Variants in CAV2 observed in about 807,000 individuals in gnomAD.
CAV2 encodes the protein caveolin-2.
In CAV2, 7 loss-of-function variants were observed where a neutral mutation model predicts 15.5. The observed-to-expected ratio is 0.45, with a 90% CI of 0.26 to 0.85. The LOEUF is 0.85. Ranked by LOEUF, CAV2 falls within the 40% of genes least tolerant of loss-of-function variation. The probability of loss-of-function intolerance (pLI) is 0.18; values close to 1 mark genes in which losing one functional copy is unlikely to be tolerated. For missense variants in CAV2, 229 were observed against 208.8 expected (o/e 1.10, Z -0.60); for synonymous variants, 76 against 83.1 (o/e 0.91, Z 0.46).
Position 116,500,458 on chromosome 7 carries a change from GCA to G in CAV2, c.338+15_338+16del, listed in dbSNP as rs990545438. On this transcript the variant is annotated intron_variant, in intron 2 of 2. Transcript: ENST00000222693. Reference sequence around the variant, plus strand: ...CTGTCTGCACATCTGGTGAGACGGGGCACACCGGGTGGACCGGCTTTCTGAAA... The same window carrying G: ...CTGTCTGCACATCTGGTGAGACGGGGCACCGGGTGGACCGGCTTTCTGAAA... 1.9e-5 allele frequency: 31 copies of G among 1,605,802 alleles called. No individual in the cohort carries two copies. The highest frequency in any genetic ancestry group is 2.7e-5 in the African/African-American group (2 of 74,834).
At chr7:116,500,100 G>T in intron 1 of CAV2, 160 bp from the exon 2 acceptor site, 1 of 1,468,520 alleles carries the variant, frequency 6.8e-7, no homozygotes. Context: ...GCGTAGCCAG[G>T]AATTCTTAGC....
Position 116,506,777 on chromosome 7 carries a change from T to C in CAV2, c.*656T>C, listed in dbSNP as rs1393197819. ...TAATATAAATGTTGCTCTAATCAGATTGCTTAAAAGCATTTTTATTATATT... is the reference window on the plus strand; with the variant it reads ...TAATATAAATGTTGCTCTAATCAGACTGCTTAAAAGCATTTTTATTATATT... On this transcript the variant is annotated 3_prime_UTR_variant, in exon 3 of 3. Coordinates refer to ENST00000222693, the MANE Select transcript of CAV2 (RefSeq NM_001233.5). 6.6e-6 allele frequency: 1 copy of C among 152,220 alleles called. No individual in the cohort carries two copies. Among genetic ancestry groups the C allele is most frequent in the Non-Finnish European group, 1.5e-5 (1 of 68,024 alleles). 9.4% of individuals were successfully genotyped at this position (152,220 alleles called of 1,614,324 possible).
chr7:116,506,284 A>G lies in CAV2; in HGVS notation c.*163A>G, dbSNP rs1315581114. On this transcript the variant is annotated 3_prime_UTR_variant, in exon 3 of 3. Transcript: ENST00000222693. ...TGTTTATTGACAGGTCTTTTCAAAT[A>G]ATGCTTTTCTAATTAATAGCCAAAG... 4.8e-6 allele frequency: 3 copies of G among 624,926 alleles called. No individual in the cohort carries two copies. The East Asian group carries it at 8.6e-5, about 18-fold the overall frequency. 38.7% of individuals were successfully genotyped at this position (624,926 alleles called of 1,614,324 possible). A position where few individuals can be genotyped will look rare whatever the true frequency, so the allele number is the denominator to read the frequency against.
At chr7:116,505,579 C>T (rs971914603) in intron 2 of CAV2, among the ~76,000 whole-genome samples, 2 of 152,088 alleles carry the variant, frequency 1.3e-5, no homozygotes, top group African/African-American at 4.8e-5. Context: ...GAAGGAGGAG[C>T]AGGCACGTCA....
rs755466253 is a variant in CAV2, at chr7:116,499,836, T to C, written c.55T>C (p.Tyr19His). Residue 19 changes from tyrosine to histidine, a missense_variant, in exon 1 of 3, where the codon TAC becomes CAC. Tyr to His is a moderately conservative substitution (Grantham distance 83, BLOSUM62 2). Coordinates refer to ENST00000222693, the MANE Select transcript of CAV2 (RefSeq NM_001233.5). ...DVQLFMDDDS[Y>H]SHHSGLEYAD... ...ACAGCTCTTCATGGACGACGACTCC[T>C]ACAGCCACCACAGCGGCCTCGAGTA... 6.2e-7 allele frequency: 1 copy of C among 1,606,760 alleles called. No homozygotes were observed. Among genetic ancestry groups the C allele is most frequent in the South Asian group, 1.1e-5 (1 of 89,676 alleles).
rs987978471 is a variant in CAV2 at position 116,507,883 on chromosome 7, G to A, written c.*1762G>A. ...AATAAGTGACAAATAAGATTAATAA[G>A]ATTTTTCAAAATCGCCAGGACTGGT... On this transcript the variant is annotated 3_prime_UTR_variant, in exon 3 of 3. Coordinates refer to ENST00000222693, the MANE Select transcript of CAV2 (RefSeq NM_001233.5). 19 of 152,040 alleles carry A rather than the reference G, an allele frequency of 1.2e-4. No individual in the cohort carries two copies. Among genetic ancestry groups the A allele is most frequent in the African/African-American group, 4.6e-4 (19 of 41,408 alleles). The allele number at this position is 152,040 out of a possible 1,614,324, so 9.4% of individuals were successfully genotyped here.
chr7:116,503,647 G>A (rs918385153), intron 2 of CAV2, among the ~76,000 whole-genome samples: 2 of 151,972 alleles, frequency 1.3e-5, no homozygotes, highest in Non-Finnish European at 2.9e-5. Context: ...TGGCCAACAT[G>A]GTGAAACTCT....
chr7:116,504,005 A>G (rs1375738612), intron 2 of CAV2, among the ~76,000 whole-genome samples: 2 of 143,048 alleles, frequency 1.4e-5, no homozygotes, highest in African/African-American at 5.2e-5. Flanking sequence ...AAGAAAAAAG[A>G]AAAGAAAGGA....
intron 2 of CAV2, among the ~76,000 whole-genome samples, chr7:116,502,408 A>G (rs11983865): frequency 0.33 from 50,587 of 151,800 alleles, 8,583 homozygotes; most frequent in African/African-American, 0.36. Context: ...TTAACTGTAA[A>G]ACATTTGTCA....
At chr7:116,503,911 GAGGAAGGAAGGA>G (rs1277279318) in intron 2 of CAV2, among the ~76,000 whole-genome samples, 1 of 10,156 alleles carries the variant, frequency 9.8e-5, no homozygotes, top group Non-Finnish European at 1.9e-4. Flanking sequence ...GGGAGGGAGG[GAGGAAGGAAGGA>G]AGGGAGGGAG....
At chr7:116,504,329 T>C (rs1793183006) in intron 2 of CAV2, among the ~76,000 whole-genome samples, 1 of 152,186 alleles carries the variant, frequency 6.6e-6, no homozygotes. Context: ...CAAGACCACA[T>C]ATCAAGTGAG....
chr7:116,500,123 C>T, intron 1 of CAV2, 137 bp from the exon 2 acceptor site: 1 of 1,478,004 alleles, frequency 6.8e-7, no homozygotes, highest in Non-Finnish European at 8.9e-7. Context: ...GGTTCCTGTG[C>T]GCCCACCGTG....
intron 2 of CAV2, among the ~76,000 whole-genome samples, chr7:116,504,583 C>T (rs1026900903): frequency 2.8e-4 from 43 of 152,156 alleles, no homozygotes; most frequent in African/African-American, 9.4e-4. Flanking sequence ...AGCAGACCCT[C>T]ATTTAAGTCA....
At chr7:116,503,923 AAGG>A (rs1793165947) in intron 2 of CAV2, among the ~76,000 whole-genome samples, 1 of 53,268 alleles carries the variant, frequency 1.9e-5, no homozygotes, top group Non-Finnish European at 3.5e-5. Flanking sequence ...GGAAGGAAGG[AAGG>A]GAGGGAGGGA....
chr7:116,506,319 C>T lies in CAV2; in HGVS notation c.*198C>T. 1.8e-6 allele frequency: 1 copy of T among 546,878 alleles called. No homozygotes were observed. The highest frequency in any genetic ancestry group is 3.2e-6 in the Non-Finnish European group (1 of 315,022). 33.9% of individuals were successfully genotyped at this position (546,878 alleles called of 1,614,324 possible). A position where few individuals can be genotyped will look rare whatever the true frequency, so the allele number is the denominator to read the frequency against. ...TAATTAATAGCCAAAGATTTCATAT[C>T]TAACTTTGTAACCAGAATTATACAG... On this transcript the variant is annotated 3_prime_UTR_variant, in exon 3 of 3. Transcript: ENST00000222693.
In CAV2 at chr7:116,507,189, G is replaced by C. The variant is rs573146798; in HGVS notation, c.*1068G>C. 6.6e-6 allele frequency: 1 copy of C among 152,598 alleles called. No homozygotes were observed. Among genetic ancestry groups the C allele is most frequent in the African/African-American group, 2.4e-5 (1 of 41,446 alleles). 9.5% of individuals were successfully genotyped at this position (152,598 alleles called of 1,614,324 possible). ...ACTTTAGTACAATTTCAACTACAGT[G>C]ATTCATGTAGAGAGACAGGGGAGTT... On this transcript the variant is annotated 3_prime_UTR_variant, in exon 3 of 3. Coordinates refer to ENST00000222693, the MANE Select transcript of CAV2 (RefSeq NM_001233.5).
At chr7:116,501,543 C>A (rs980215517) in intron 2 of CAV2, among the ~76,000 whole-genome samples, 1 of 152,222 alleles carries the variant, frequency 6.6e-6, no homozygotes, top group Non-Finnish European at 1.5e-5. Flanking sequence ...GTTAGTTCAA[C>A]AAACTTTAAA....
In CAV2 at chr7:116,499,776, G is replaced by A; in HGVS notation, c.-6G>A. The A allele has an allele frequency of 2.6e-6, 4 of 1,547,588 alleles. No individual in the cohort carries two copies. Among genetic ancestry groups the A allele is most frequent in the Non-Finnish European group, 2.6e-6 (3 of 1,148,908 alleles). ...CGGGCTGCAGCGGCCGCGCACCAAG[G>A]CTGCGATGGGGCTGGAGACGGAGAA... On this transcript the variant is annotated 5_prime_UTR_variant, in exon 1 of 3. Coordinates refer to ENST00000222693, the MANE Select transcript of CAV2 (RefSeq NM_001233.5).
intron 1 of CAV2, 32 bp from the exon 2 acceptor site, chr7:116,500,228 C>G (rs549311062): frequency 6.3e-7 from 1 of 1,599,440 alleles, no homozygotes; most frequent in African/African-American, 1.3e-5. Context: ...GGTTGGCTGA[C>G]AGTTCGGGGT....
Sources: gnomAD v4.1 joint callset for allele counts (sites outside exome capture counted in the v4.1 genomes callset) on GRCh38, gnomAD v4.1.1 for gene constraint, MANE v1.5 for transcripts, NCBI Gene and HGNC (gene_info 2026-07-23, HGNC 2026-07-21) for gene names.